Variants in FMNL2 observed in about 807,000 individuals in gnomAD.
The protein encoded by FMNL2 is formin-like protein 2.
In FMNL2, 51 loss-of-function variants were observed where a neutral mutation model predicts 130.2. The ratio of observed to expected loss-of-function variants is 0.39; its 90% confidence interval spans 0.31 to 0.49. FMNL2 has a LOEUF of 0.49. Among genes scored for constraint, FMNL2 ranks in the 20% least tolerant of loss-of-function variants. The pLI, the probability that FMNL2 is intolerant of heterozygous loss-of-function variation, is 0.85. For missense variants in FMNL2, 977 were observed against 1,316.2 expected (o/e 0.74, Z 3.99); for synonymous variants, 465 against 467.1 (o/e 1.00, Z 0.06).
intron 1 of FMNL2, among the ~76,000 whole-genome samples, chr2:152,500,577 C>T (rs1258090931): frequency 2.6e-5 from 4 of 152,196 alleles, no homozygotes; most frequent in African/African-American, 9.7e-5. Flanking sequence ...AAGCCGGGTG[C>T]GATGGCTCAC....
chr2:152,487,324 G>C (rs769190198), intron 1 of FMNL2, among the ~76,000 whole-genome samples: 60 of 152,138 alleles, frequency 3.9e-4, no homozygotes, highest in Non-Finnish European at 7.8e-4. Context: ...TCAATCATAA[G>C]TTATAGATAA....
At chr2:152,574,637 A>G (rs1213870367) in intron 6 of FMNL2, among the ~76,000 whole-genome samples, 1 of 152,194 alleles carries the variant, frequency 6.6e-6, no homozygotes, top group Admixed American at 6.5e-5. Context: ...AACAAAAGGC[A>G]GTTGATTCCA....
intron 17 of FMNL2, 105 bp from the exon 18 acceptor site, chr2:152,628,194 G>A: frequency 1.1e-6 from 1 of 951,274 alleles, no homozygotes; most frequent in Non-Finnish European, 1.7e-6. Context: ...TTGATGAGCT[G>A]TACCAGATGG....
At chr2:152,588,353 CTGTCCTTCTT>C (rs1262953530) in intron 9 of FMNL2, among the ~76,000 whole-genome samples, 1 of 152,230 alleles carries the variant, frequency 6.6e-6, no homozygotes, top group African/African-American at 2.4e-5. Context: ...TCTGACTTCT[CTGTCCTTCTT>C]CCTTTAAGGA....
intron 1 of FMNL2, among the ~76,000 whole-genome samples, chr2:152,419,633 GC>G (rs1579620312): frequency 6.6e-6 from 1 of 152,086 alleles, no homozygotes; most frequent in East Asian, 1.9e-4. Context: ...AATTTTAATA[GC>G]TTTTTTCTGG....
chr2:152,589,364 C>G (rs975831045), intron 9 of FMNL2, among the ~76,000 whole-genome samples: 3 of 152,044 alleles, frequency 2.0e-5, no homozygotes, highest in Non-Finnish European at 4.4e-5. Flanking sequence ...GTGTTGCTGC[C>G]GTGTTATTTC....
intron 1 of FMNL2, among the ~76,000 whole-genome samples, chr2:152,365,835 A>G (rs532469637): frequency 9.8e-5 from 15 of 152,310 alleles, no homozygotes; most frequent in African/African-American, 3.4e-4. Flanking sequence ...TAGATAAGAT[A>G]GGTGTCTGGA....
At chr2:152,596,625 A>C (rs112306784) in intron 9 of FMNL2, among the ~76,000 whole-genome samples, 11 of 152,338 alleles carry the variant, frequency 7.2e-5, no homozygotes, top group Non-Finnish European at 1.6e-4. Context: ...ATTAGAAATT[A>C]CAACAAAATT....
intron 3 of FMNL2, among the ~76,000 whole-genome samples, chr2:152,548,733 G>A (rs568986791): frequency 6.6e-6 from 1 of 152,290 alleles, no homozygotes; most frequent in South Asian, 2.1e-4. Flanking sequence ...TAGTACTGGG[G>A]TCCCTGACCC....
chr2:152,450,591 C>T lies in FMNL2; in HGVS notation c.118-71352C>T, dbSNP rs373318062. 5.9e-5 allele frequency among the ~76,000 whole-genome samples: 9 copies of T among 152,298 alleles called. No individual in the cohort carries two copies. In the East Asian group the frequency reaches 1.5e-3, roughly 26 times the overall value. ...AAAAGATTGGCTCATCTTCATTATC[C>T]AGACTGCTGCATATACCATGCACAG... On this transcript the variant is annotated intron_variant, in intron 1 of 25. Coordinates refer to ENST00000288670, the MANE Select transcript of FMNL2 (RefSeq NM_052905.4).
chr2:152,627,459 T>A (rs1392816915), intron 17 of FMNL2, among the ~76,000 whole-genome samples: 1 of 152,220 alleles, frequency 6.6e-6, no homozygotes, highest in Non-Finnish European at 1.5e-5. Flanking sequence ...ACATTTTGGT[T>A]AGAGGCTTCG....
Position 152,423,115 on chromosome 2 carries a change from A to T in FMNL2, c.117+87395A>T, listed in dbSNP as rs115279705. On this transcript the variant is annotated intron_variant, in intron 1 of 25. Coordinates refer to ENST00000288670, the MANE Select transcript of FMNL2 (RefSeq NM_052905.4). The stretch of plus-strand genomic sequence containing the variant: ...TGAGATGTTTTGGTACAGGCATGGA[A>T]TGTGTAATAATCACATAATGTAAAA... 2.2e-3 allele frequency among the ~76,000 whole-genome samples: 338 copies of T among 152,308 alleles called. 1 individual carries two copies. Among genetic ancestry groups the T allele is most frequent in the African/African-American group, 7.9e-3 (327 of 41,570 alleles).
At chr2:152,476,989 C>A (rs1690188134) in intron 1 of FMNL2, among the ~76,000 whole-genome samples, 2 of 152,076 alleles carry the variant, frequency 1.3e-5, no homozygotes, top group Admixed American at 6.6e-5. Context: ...TGTGTAAGAT[C>A]TTATTTATCG....
At chr2:152,584,818 A>G (rs892540983) in intron 9 of FMNL2, among the ~76,000 whole-genome samples, 3 of 152,030 alleles carry the variant, frequency 2.0e-5, no homozygotes, top group African/African-American at 7.2e-5. Context: ...CCAATCTTAT[A>G]TTTTTTTTCC....
At chr2:152,443,475 A>G (rs570536712) in intron 1 of FMNL2, among the ~76,000 whole-genome samples, 3 of 152,234 alleles carry the variant, frequency 2.0e-5, no homozygotes, top group South Asian at 2.1e-4. Context: ...AGGAGAAGGA[A>G]TTGTTAGAGA....
chr2:152,561,362 G>A (rs1327934627), intron 6 of FMNL2, among the ~76,000 whole-genome samples: 1 of 152,098 alleles, frequency 6.6e-6, no homozygotes, highest in Non-Finnish European at 1.5e-5. Flanking sequence ...TGGAGGTACT[G>A]TTTCCAGGGT....
chr2:152,609,540 G>A (rs1044153712), intron 10 of FMNL2, among the ~76,000 whole-genome samples: 11 of 151,820 alleles, frequency 7.2e-5, no homozygotes, highest in African/African-American at 2.7e-4. Flanking sequence ...AAACCATTTT[G>A]TTTCTTTAAA....
rs189483266 is a variant in FMNL2 at position 152,522,561 on chromosome 2, G to A, written c.201+535G>A. On this transcript the variant is annotated intron_variant, in intron 2 of 25. Coordinates refer to ENST00000288670, the MANE Select transcript of FMNL2 (RefSeq NM_052905.4). ...CCGGTGGGAGGTAATTGAATTATGG[G>A]GGCAGGTCTTTCCTATGCTGTTCTT... is the stretch of plus-strand genomic sequence containing the variant. Among the ~76,000 whole-genome samples the A allele has an allele frequency of 4.5e-4, 68 of 152,200 alleles. No individual in the cohort carries two copies. The East Asian group carries it at 0.013, about 29-fold the overall frequency.
At chr2:152,436,901 G>A (rs1051357289) in intron 1 of FMNL2, among the ~76,000 whole-genome samples, 1 of 152,178 alleles carries the variant, frequency 6.6e-6, no homozygotes, top group Non-Finnish European at 1.5e-5. Flanking sequence ...ATTGGGCAAT[G>A]TCTTAGTTTG....
Sources: allele counts gnomAD v4.1 joint callset (sites outside exome capture counted in the v4.1 genomes callset), GRCh38; gene constraint gnomAD v4.1.1; transcripts MANE v1.5; gene names NCBI Gene and HGNC (gene_info 2026-07-23, HGNC 2026-07-21).